Variants in BABAM2 observed in about 807,000 individuals in gnomAD.
BABAM2 encodes BRISC and BRCA1 A complex member 2.
Under a neutral mutation model 54.7 loss-of-function variants are expected in BABAM2, and 31 were observed. The ratio of observed to expected loss-of-function variants is 0.57; its 90% confidence interval spans 0.43 to 0.77. BABAM2 has a LOEUF of 0.77. Among genes scored for constraint, BABAM2 ranks in the 30% least tolerant of loss-of-function variants. The pLI, the probability that BABAM2 is intolerant of heterozygous loss-of-function variation, is 0.00. For missense variants in BABAM2, 364 were observed against 455.8 expected, an observed-to-expected ratio of 0.80 and a Z score of 1.83; for synonymous variants, 167 against 162.9, an observed-to-expected ratio of 1.03 and a Z score of -0.19.
intron 11 of BABAM2, among the ~76,000 whole-genome samples, chr2:28,315,535 A>G (rs1046084220): frequency 6.6e-6 from 1 of 150,912 alleles, no homozygotes; most frequent in Non-Finnish European, 1.5e-5. Flanking sequence ...TGGCACAATC[A>G]TAGCTCACTG....
At chr2:28,132,705 C>A (rs1267234585) in intron 7 of BABAM2, among the ~76,000 whole-genome samples, 1 of 152,146 alleles carries the variant, frequency 6.6e-6, no homozygotes. Flanking sequence ...TCCCTGAGGA[C>A]AATTAGTCTA....
intron 7 of BABAM2, among the ~76,000 whole-genome samples, chr2:28,173,760 C>T (rs539969734): frequency 2.6e-4 from 40 of 152,258 alleles, no homozygotes; most frequent in South Asian, 1.5e-3. Context: ...TTTATCAATT[C>T]GTCGTTTGAT....
intron 6 of BABAM2, 145 bp from the exon 7 acceptor site, chr2:28,129,126 T>C: frequency 1.4e-6 from 1 of 725,204 alleles, no homozygotes; most frequent in Non-Finnish European, 2.4e-6. Flanking sequence ...GGTAGGTGTG[T>C]GGAAAGGATG....
intron 6 of BABAM2, among the ~76,000 whole-genome samples, chr2:28,117,976 G>C (rs777803684): frequency 2.6e-5 from 4 of 152,182 alleles, no homozygotes; most frequent in Non-Finnish European, 5.9e-5. Flanking sequence ...TTAAGGATGT[G>C]GTAAATGGTA....
chr2:28,218,478 A>C (rs1270020721), intron 7 of BABAM2, among the ~76,000 whole-genome samples: 1 of 152,232 alleles, frequency 6.6e-6, no homozygotes, highest in Non-Finnish European at 1.5e-5. Flanking sequence ...TTTGAAGAGT[A>C]CATATCAGTC....
chr2:28,120,570 A>C (rs1264878438), intron 6 of BABAM2, among the ~76,000 whole-genome samples: 2 of 152,204 alleles, frequency 1.3e-5, no homozygotes, highest in Admixed American at 6.5e-5. Context: ...TTCCTACCTT[A>C]CACAGTTGTT....
At chr2:28,229,136 A>G (rs1298003753) in intron 7 of BABAM2, among the ~76,000 whole-genome samples, 1 of 152,200 alleles carries the variant, frequency 6.6e-6, no homozygotes, top group Non-Finnish European at 1.5e-5. Context: ...GGCATCTACT[A>G]AAACACCCAA....
intron 10 of BABAM2, among the ~76,000 whole-genome samples, chr2:28,251,121 G>T (rs1683441575): frequency 6.6e-6 from 1 of 152,096 alleles, no homozygotes; most frequent in Admixed American, 6.5e-5. Flanking sequence ...AGATGTCTTA[G>T]TATTATTCTT....
chr2:28,222,501 G>T (rs939083088), intron 7 of BABAM2, among the ~76,000 whole-genome samples: 1 of 152,188 alleles, frequency 6.6e-6, no homozygotes, highest in African/African-American at 2.4e-5. Flanking sequence ...ACCTTCACAT[G>T]CTGCAGGGGC....
chr2:28,030,895 C>T (rs1178061534), intron 5 of BABAM2, among the ~76,000 whole-genome samples: 2 of 152,040 alleles, frequency 1.3e-5, no homozygotes, highest in African/African-American at 4.8e-5. Context: ...TTTCAGGGTA[C>T]TAAAGAAACT....
At chr2:27,935,231 C>T (rs775988960) in intron 3 of BABAM2, among the ~76,000 whole-genome samples, 2 of 152,184 alleles carry the variant, frequency 1.3e-5, no homozygotes, top group Non-Finnish European at 2.9e-5. Context: ...TCTAACTCCG[C>T]CTGTGTTCTA....
intron 7 of BABAM2, chr2:28,134,318 A>G (rs1670354986): frequency 6.6e-6 from 1 of 152,176 alleles, no homozygotes; most frequent in Admixed American, 6.5e-5. Context: ...CCTGGCAGAA[A>G]AGCTGTGAGT....
At position 28,304,664 on chromosome 2, in the gene BABAM2, C is replaced by G. The variant is rs1010444239; in HGVS notation, c.1088+6173C>G. ...TTATCTTGGCTCACTGCAACCTCAC[C>G]TCCCAGGTTCTAGCAATTCTCCTGC... On this transcript the variant is annotated intron_variant, in intron 11 of 11. Transcript: ENST00000379624. This position sits in a 1 kb window ranked among gnomAD's most constrained non-coding sequence, Gnocchi z 4.0. Among the ~76,000 whole-genome samples, 3 of 152,112 alleles carry G rather than the reference C, an allele frequency of 2.0e-5. No homozygotes were observed. Among genetic ancestry groups the G allele is most frequent in the Non-Finnish European group, 4.4e-5 (3 of 68,038 alleles).
intron 7 of BABAM2, chr2:28,134,460 A>G (rs7579101): frequency 0.25 from 37,434 of 152,170 alleles, 4,809 homozygotes; most frequent in South Asian, 0.47. Flanking sequence ...CTTCCACGAA[A>G]GGTGTGGGCC....
At chr2:27,914,217 A>G (rs1666804245) in intron 2 of BABAM2, among the ~76,000 whole-genome samples, 1 of 152,134 alleles carries the variant, frequency 6.6e-6, no homozygotes, top group Non-Finnish European at 1.5e-5. Flanking sequence ...AGTCATGTGG[A>G]AGCTCCATGA....
intron 11 of BABAM2, chr2:28,308,648 T>C (rs562507226): frequency 1.2e-5 from 4 of 329,548 alleles, no homozygotes; most frequent in South Asian, 1.1e-4. Context: ...AACAAAAGCA[T>C]AGGTCCTCTG....
intron 6 of BABAM2, among the ~76,000 whole-genome samples, chr2:28,077,179 G>A (rs1229284849): frequency 6.6e-6 from 1 of 152,142 alleles, no homozygotes; most frequent in Non-Finnish European, 1.5e-5. Flanking sequence ...ATGGAGAGAC[G>A]AGTTAGTTAT....
upstream of BABAM2, among the ~76,000 whole-genome samples, chr2:27,889,502 C>G (rs1664655778): frequency 6.6e-6 from 1 of 152,084 alleles, no homozygotes; most frequent in Admixed American, 6.6e-5. Context: ...ACATACATTA[C>G]TTTTGTAATC....
chr2:27,913,527 C>G (rs1666753829), intron 2 of BABAM2, among the ~76,000 whole-genome samples: 1 of 152,096 alleles, frequency 6.6e-6, no homozygotes, highest in Non-Finnish European at 1.5e-5. Context: ...CTGAAGATAA[C>G]TCAAATTTTC....
Sources: gnomAD v4.1 joint callset for allele counts (sites outside exome capture counted in the v4.1 genomes callset) on GRCh38, gnomAD v4.1.1 for gene constraint, Gnocchi (gnomAD v3.1) non-coding constraint, MANE v1.5 for transcripts, NCBI Gene and HGNC (gene_info 2026-07-23, HGNC 2026-07-21) for gene names.